Variants in GREM2 observed in about 807,000 individuals in gnomAD.
GREM2 encodes the protein gremlin 2, DAN family BMP antagonist, also known as gremlin-2.
Under a neutral mutation model 14.2 loss-of-function variants are expected in GREM2, and 11 were observed. The observed-to-expected ratio is 0.78, with a 90% CI of 0.49 to 1.28. GREM2 has a LOEUF of 1.28. Ranked by LOEUF, GREM2 falls within the 50% of genes most tolerant of loss-of-function variation. The pLI, the probability that GREM2 is intolerant of heterozygous loss-of-function variation, is 0.00. For synonymous variants in GREM2, 98 were observed against 97.6 expected, an observed-to-expected ratio of 1.00 and a Z score of -0.02; for missense variants, 210 against 218.5, an observed-to-expected ratio of 0.96 and a Z score of 0.24.
At chr1:240,607,578 T>C (rs1680052790) in intron 1 of GREM2, among the ~76,000 whole-genome samples, 2 of 152,246 alleles carry the variant, frequency 1.3e-5, no homozygotes, top group African/African-American at 2.4e-5. Flanking sequence ...AAAGGTGGTC[T>C]CTGCAGGCCA....
At chr1:240,511,636 C>T (rs771197233) in intron 1 of GREM2, among the ~76,000 whole-genome samples, 1 of 152,064 alleles carries the variant, frequency 6.6e-6, no homozygotes, top group Non-Finnish European at 1.5e-5. Context: ...GCCTATAATC[C>T]CAGCTACTTG....
intron 1 of GREM2, among the ~76,000 whole-genome samples, chr1:240,533,161 G>A (rs751922790): frequency 1.3e-5 from 2 of 152,174 alleles, no homozygotes; most frequent in Non-Finnish European, 2.9e-5. Flanking sequence ...GTGAAGAAGG[G>A]GGATCTGGGA....
At chr1:240,518,775 C>A (rs564646760) in intron 1 of GREM2, among the ~76,000 whole-genome samples, 2 of 152,316 alleles carry the variant, frequency 1.3e-5, no homozygotes, top group South Asian at 4.1e-4. Context: ...TCAAAAGAGG[C>A]TTTGGATGAA....
At chr1:240,559,282 A>C (rs1308174114) in intron 1 of GREM2, among the ~76,000 whole-genome samples, 1 of 151,936 alleles carries the variant, frequency 6.6e-6, no homozygotes, top group Non-Finnish European at 1.5e-5. Context: ...CATCTATTGT[A>C]CAATACATAC....
chr1:240,583,751 G>A (rs189424571), intron 1 of GREM2, among the ~76,000 whole-genome samples: 81 of 152,010 alleles, frequency 5.3e-4, no homozygotes, highest in African/African-American at 1.4e-3. Context: ...ACAGGCATGC[G>A]CCACCATGCC....
intron 1 of GREM2, among the ~76,000 whole-genome samples, chr1:240,563,510 C>G (rs944507965): frequency 6.6e-6 from 1 of 152,104 alleles, no homozygotes; most frequent in Non-Finnish European, 1.5e-5. Context: ...AAAAATGTTC[C>G]GTGCCCAGCT....
At chr1:240,531,135 G>T (rs1678349547) in intron 1 of GREM2, among the ~76,000 whole-genome samples, 1 of 152,126 alleles carries the variant, frequency 6.6e-6, no homozygotes, top group African/African-American at 2.4e-5. Context: ...CCTTAACCAA[G>T]GAAGACTCAT....
intron 1 of GREM2, among the ~76,000 whole-genome samples, chr1:240,558,406 A>G (rs1244657903): frequency 6.6e-6 from 1 of 152,132 alleles, no homozygotes; most frequent in African/African-American, 2.4e-5. Context: ...ATTTTTTTTA[A>G]ATATTGAAAA....
At chr1:240,533,472 T>G (rs1484699600) in intron 1 of GREM2, among the ~76,000 whole-genome samples, 3 of 152,206 alleles carry the variant, frequency 2.0e-5, no homozygotes, top group African/African-American at 7.2e-5. Flanking sequence ...GTTATAGAAC[T>G]CTATCCTGAA....
chr1:240,546,152 T>A (rs980745946), intron 1 of GREM2, among the ~76,000 whole-genome samples: 6 of 151,846 alleles, frequency 4.0e-5, no homozygotes, highest in African/African-American at 1.5e-4. Flanking sequence ...CTGGCCAACA[T>A]GGTGAAACCC....
At chr1:240,508,347 C>T (rs775621103) in intron 1 of GREM2, among the ~76,000 whole-genome samples, 2 of 152,150 alleles carry the variant, frequency 1.3e-5, no homozygotes, top group Non-Finnish European at 2.9e-5. Flanking sequence ...AGAAGGGGAA[C>T]GTCTGGGAGG....
At chr1:240,520,328 G>T (rs1179476444) in intron 1 of GREM2, among the ~76,000 whole-genome samples, 3 of 151,970 alleles carry the variant, frequency 2.0e-5, no homozygotes, top group African/African-American at 7.3e-5. Flanking sequence ...TCAAACACAG[G>T]ATTCCAAGCA....
chr1:240,567,935 CCT>C (rs958334394), intron 1 of GREM2, among the ~76,000 whole-genome samples: 2 of 152,032 alleles, frequency 1.3e-5, no homozygotes, highest in African/African-American at 4.8e-5. Context: ...ATGGTAAAAC[CCT>C]GTCTCTACTA....
intron 1 of GREM2, among the ~76,000 whole-genome samples, chr1:240,602,415 A>G (rs1679941902): frequency 6.6e-6 from 1 of 152,080 alleles, no homozygotes; most frequent in Admixed American, 6.6e-5. Flanking sequence ...AACAATAGTG[A>G]CCTCTACAGG....
intron 1 of GREM2, among the ~76,000 whole-genome samples, chr1:240,591,464 G>A (rs1308364959): frequency 1.3e-5 from 2 of 152,206 alleles, no homozygotes; most frequent in Non-Finnish European, 2.9e-5. Flanking sequence ...TGGTGTTGAG[G>A]AGGCCCATGT....
chr1:240,521,519 C>T lies in GREM2; in HGVS notation c.-1-28043G>A, dbSNP rs1052329675. Among the ~76,000 whole-genome samples the T allele has an allele frequency of 4.6e-5, 7 of 151,846 alleles. No homozygotes were observed. In the East Asian group the frequency reaches 5.8e-4, roughly 13 times the overall value. On this transcript the variant is annotated intron_variant, in intron 1 of 1. Coordinates refer to ENST00000318160, the MANE Select transcript of GREM2 (RefSeq NM_022469.4). ...CCGGGAGGCGGAGCTTACAGTGAGC[C>T]GAGATGGCACCACTGCACTCCAGCC... is the stretch of plus-strand genomic sequence containing the variant.
chr1:240,547,365 T>C (rs1445401628), intron 1 of GREM2, among the ~76,000 whole-genome samples: 2 of 151,572 alleles, frequency 1.3e-5, no homozygotes, highest in Non-Finnish European at 2.9e-5. Context: ...CCAGGCGTGG[T>C]GGCGGGCGCC....
chr1:240,581,595 A>G (rs57221958), intron 1 of GREM2, among the ~76,000 whole-genome samples: 3,573 of 152,334 alleles, frequency 0.023, 106 homozygotes, highest in African/African-American at 0.063. Context: ...AAATCAATAA[A>G]TAATTTCTAT....
intron 1 of GREM2, among the ~76,000 whole-genome samples, chr1:240,589,683 A>T (rs1262720398): frequency 6.6e-6 from 1 of 152,112 alleles, no homozygotes; most frequent in African/African-American, 2.4e-5. Context: ...GCGATCATAA[A>T]CTGATCATTG....
Sources: allele counts gnomAD v4.1 joint callset (sites outside exome capture counted in the v4.1 genomes callset), GRCh38; gene constraint gnomAD v4.1.1; transcripts MANE v1.5; gene names NCBI Gene and HGNC (gene_info 2026-07-23, HGNC 2026-07-21).